Variants in AKT3 observed in about 807,000 individuals in gnomAD.
AKT3 encodes the protein RAC-gamma serine/threonine-protein kinase.
In AKT3, 15 loss-of-function variants were observed where a neutral mutation model predicts 65.3. The ratio of observed to expected loss-of-function variants is 0.23; its 90% CI spans 0.15 to 0.35. AKT3 has a LOEUF of 0.35. Ranked by LOEUF, AKT3 falls within the 10% of genes least tolerant of loss-of-function variation. AKT3 has a pLI of 1.00. For missense variants in AKT3, 243 were observed against 576.5 expected (o/e 0.42, Z 5.92); for synonymous variants, 206 against 183.8 (o/e 1.12, Z -0.98).
chr1:243,665,594 A>AT (rs937058995), intron 3 of AKT3, among the ~76,000 whole-genome samples: 7 of 152,126 alleles, frequency 4.6e-5, no homozygotes, highest in Non-Finnish European at 8.8e-5. Flanking sequence ...AGATTCAATT[A>AT]TTTTTTCGTA....
intron 12 of AKT3, among the ~76,000 whole-genome samples, chr1:243,535,200 T>C (rs1263050182): frequency 6.8e-6 from 1 of 146,254 alleles, no homozygotes; most frequent in Non-Finnish European, 1.5e-5. Context: ...TAAAATATAT[T>C]TTAAAATTAT....
Position 243,843,222 on chromosome 1 carries a change from A to G in AKT3, c.-52T>C. On this transcript the variant is annotated 5_prime_UTR_variant, in exon 2 of 14. Coordinates refer to ENST00000673466, the MANE Select transcript of AKT3 (RefSeq NM_005465.7). ...TGGAGAAATGGTACTTTGTGATATC[A>G]GCTTTAGGGTTTGGATTCTCTGCTG... The G allele has an allele frequency of 1.9e-6, 3 of 1,592,280 alleles. No homozygotes were observed. The highest frequency in any genetic ancestry group is 1.3e-5 in the African/African-American group (1 of 74,594).
chr1:243,545,870 A>G (rs1164002525), intron 11 of AKT3, among the ~76,000 whole-genome samples: 1 of 152,208 alleles, frequency 6.6e-6, no homozygotes, highest in Non-Finnish European at 1.5e-5. Context: ...GAGATGTGTG[A>G]CAACAGAAAA....
chr1:243,676,408 T>C (rs1683514658), intron 3 of AKT3, among the ~76,000 whole-genome samples: 1 of 152,096 alleles, frequency 6.6e-6, no homozygotes, highest in Non-Finnish European at 1.5e-5. Context: ...TGGTAAGGAC[T>C]TTGGATTTAA....
chr1:243,489,258 G>A lies in AKT3; in HGVS notation c.*7-808C>T, dbSNP rs760320042. 7.5e-4 allele frequency: 1,030 copies of A among 1,368,940 alleles called. 2 individuals carry two copies. Among genetic ancestry groups the A allele is most frequent in the Non-Finnish European group, 9.8e-4 (984 of 1,000,418 alleles). 84.8% of individuals were successfully genotyped at this position (1,368,940 alleles called of 1,614,324 possible). ...ATCACATCGGTTAGCAGTAAGCTGG[G>A]AGGGAGGTCCCGAAGACTGTGCTGG... On this transcript the variant is annotated intron_variant, in intron 13 of 13. Transcript: ENST00000336199.
At chr1:243,748,984 G>A (rs901015196) in intron 2 of AKT3, among the ~76,000 whole-genome samples, 6 of 152,040 alleles carry the variant, frequency 3.9e-5, no homozygotes, top group African/African-American at 1.4e-4. Flanking sequence ...ACTGTTGCAT[G>A]AATACTTTAA....
chr1:243,646,389 C>A (rs961902586), intron 4 of AKT3, among the ~76,000 whole-genome samples: 16 of 151,504 alleles, frequency 1.1e-4, no homozygotes, highest in African/African-American at 3.6e-4. Flanking sequence ...CGGTCTCACT[C>A]TGTTGCCCAA....
chr1:243,808,739 A>G (rs1320377740), intron 2 of AKT3, among the ~76,000 whole-genome samples: 2 of 152,346 alleles, frequency 1.3e-5, no homozygotes, highest in South Asian at 2.1e-4. Context: ...CAGATTCGCC[A>G]AAGTTGAAAT....
intron 8 of AKT3, among the ~76,000 whole-genome samples, chr1:243,608,722 C>T (rs1416674854): frequency 1.5e-5 from 2 of 131,096 alleles, no homozygotes; most frequent in African/African-American, 3.0e-5. Flanking sequence ...AATACTTTTT[C>T]TACAGTAATT....
intron 12 of AKT3, among the ~76,000 whole-genome samples, chr1:243,543,018 C>T (rs1198663736): frequency 1.3e-5 from 2 of 152,032 alleles, no homozygotes; most frequent in Non-Finnish European, 2.9e-5. Flanking sequence ...ATATTTAACA[C>T]CTTTGCTCAA....
At chr1:243,583,665 G>A (rs1039264926) in intron 8 of AKT3, among the ~76,000 whole-genome samples, 1 of 151,786 alleles carries the variant, frequency 6.6e-6, no homozygotes, top group Middle Eastern at 3.2e-3. Flanking sequence ...TACCAAGAAG[G>A]TATCTCAAAA....
At chr1:243,742,838 G>A (rs1344440580) in intron 2 of AKT3, among the ~76,000 whole-genome samples, 1 of 151,058 alleles carries the variant, frequency 6.6e-6, no homozygotes, top group Admixed American at 6.6e-5. Context: ...AAATACTTCA[G>A]GGGCTCCAGG....
At chr1:243,686,290 A>G (rs933127483) in intron 3 of AKT3, among the ~76,000 whole-genome samples, 1 of 152,054 alleles carries the variant, frequency 6.6e-6, no homozygotes, top group African/African-American at 2.4e-5. Context: ...TTTGGCCAGA[A>G]GGAGGCCATA....
chr1:243,620,201 C>A (rs1284831197), intron 6 of AKT3, among the ~76,000 whole-genome samples: 1 of 98,282 alleles, frequency 1.0e-5, no homozygotes, highest in African/African-American at 2.6e-5. Flanking sequence ...TTCCTCTTCA[C>A]ACACTCGCCC....
At chr1:243,507,656 G>A (rs1669756142) in intron 13 of AKT3, among the ~76,000 whole-genome samples, 2 of 152,190 alleles carry the variant, frequency 1.3e-5, no homozygotes, top group Admixed American at 6.5e-5. Flanking sequence ...CATGAACTAT[G>A]TTTTTCAAAA....
chr1:243,794,974 T>A (rs550222568), intron 2 of AKT3, among the ~76,000 whole-genome samples: 2 of 152,198 alleles, frequency 1.3e-5, no homozygotes, highest in African/African-American at 4.8e-5. Flanking sequence ...TTTACCCTCA[T>A]GGATTTCTGC....
chr1:243,553,579 T>A (rs78376566), intron 10 of AKT3, among the ~76,000 whole-genome samples: 4,727 of 152,284 alleles, frequency 0.031, 82 homozygotes, highest in Middle Eastern at 0.058. Context: ...TAAACTTTGA[T>A]AGCCACAGCT....
chr1:243,677,333 G>C (rs1320119062), intron 3 of AKT3, among the ~76,000 whole-genome samples: 1 of 151,970 alleles, frequency 6.6e-6, no homozygotes, highest in African/African-American at 2.4e-5. Flanking sequence ...TGATTTATTT[G>C]ACTGTTTTGA....
At chr1:243,608,704 CTAT>C (rs1162318433) in intron 8 of AKT3, among the ~76,000 whole-genome samples, 3 of 140,064 alleles carry the variant, frequency 2.1e-5, no homozygotes, top group African/African-American at 5.5e-5. Context: ...AATATAACTA[CTAT>C]GTTTAATACT....
Sources: gnomAD v4.1 joint callset for allele counts (sites outside exome capture counted in the v4.1 genomes callset) on GRCh38, gnomAD v4.1.1 for gene constraint, MANE v1.5 for transcripts, NCBI Gene and HGNC (gene_info 2026-07-23, HGNC 2026-07-21) for gene names.